APOH: variants seen among roughly 807,000 people sequenced by gnomAD.
APOH encodes the protein beta-2-glycoprotein 1.
In APOH, 48 loss-of-function variants were observed where a neutral mutation model predicts 39.8. That is an observed-to-expected ratio of 1.21 (90% CI 0.96 to 1.54). APOH has a LOEUF of 1.54. Ranked by LOEUF, APOH falls within the 40% of genes most tolerant of loss-of-function variation. The pLI, the probability that APOH is intolerant of heterozygous loss-of-function variation, is 0.00. For missense variants in APOH, 415 were observed against 421.2 expected, an observed-to-expected ratio of 0.99 and a Z score of 0.13; for synonymous variants, 153 against 151.1, an observed-to-expected ratio of 1.01 and a Z score of -0.09.
intron 3 of APOH, among the ~76,000 whole-genome samples, chr17:66,224,656 G>A (rs1277899538): frequency 1.2e-4 from 3 of 25,232 alleles, no homozygotes; most frequent in South Asian, 1.8e-3. Context: ...GGGAAGGGAA[G>A]GGAAGGGAAG....
intron 7 of APOH, 46 bp downstream of exon 7, chr17:66,214,407 G>A: frequency 1.3e-6 from 2 of 1,535,978 alleles, no homozygotes; most frequent in East Asian, 2.3e-5. Context: ...TGATTATGAT[G>A]ACGGGCAAGT....
intron 5 of APOH, among the ~76,000 whole-genome samples, chr17:66,218,787 A>G (rs1598550852): frequency 6.6e-6 from 1 of 152,032 alleles, no homozygotes; most frequent in Non-Finnish European, 1.5e-5. Flanking sequence ...AGGCAGGCGG[A>G]TCATTTTAGT....
chr17:66,226,548 T>C (rs758383447), intron 2 of APOH, among the ~76,000 whole-genome samples: 5 of 149,504 alleles, frequency 3.3e-5, no homozygotes, highest in Non-Finnish European at 7.4e-5. Flanking sequence ...GGCAGGAGAA[T>C]AGCTTGAACC....
In APOH at chr17:66,229,374, A is replaced by G; in HGVS notation, c.6T>C (p.Ile2=). The change falls in exon 1 of 8, where the codon ATT becomes ATC. Residue 2 remains isoleucine (I), a synonymous_variant. Transcript: ENST00000205948. The stretch of plus-strand genomic sequence containing the variant: ...TCGAGAACAAGATGAGCACTGGAGA[A>G]ATCATTGTGGATGAGTCACACTGGC... M[I]SPVLILFSSF... is the part of the protein sequence containing the mutation. 1 of 1,613,648 alleles carries G rather than the reference A, an allele frequency of 6.2e-7. No individual in the cohort carries two copies. Among genetic ancestry groups the G allele is most frequent in the East Asian group, 2.2e-5 (1 of 44,862 alleles).
At chr17:66,229,137 A>T (rs777550994) in intron 1 of APOH, among the ~76,000 whole-genome samples, 179 bp downstream of exon 1, 4 of 152,050 alleles carry the variant, frequency 2.6e-5, no homozygotes, top group Non-Finnish European at 5.9e-5. Context: ...GGGTTTCACC[A>T]TGTTGGCCAG....
rs569010895 is a variant in APOH at position 66,216,835 on chromosome 17, A to G, written c.737T>C (p.Ile246Thr). ...DGYSLDGPEE[I>T]ECTKLGNWSA... is the part of the protein sequence containing the mutation. Reference sequence around the variant, plus strand: ...CCAGTTTCCCAGTTTGGTACATTCTATTTCTTCCGGGCCATCCAGAGAATA... The same window carrying G: ...CCAGTTTCCCAGTTTGGTACATTCTGTTTCTTCCGGGCCATCCAGAGAATA... The change falls in exon 6 of 8, where the codon ATA becomes ACA. Residue 246 changes from isoleucine (I) to threonine (T), a missense_variant. By Grantham distance (89) the Ile-to-Thr change is moderately conservative. Around this residue, in one of 3 missense-constraint regions of APOH, gnomAD observed 7 missense variants for 25.6 expected, o/e 0.27. Coordinates refer to ENST00000205948, the MANE Select transcript of APOH (RefSeq NM_000042.3). 1.4e-5 allele frequency: 22 copies of G among 1,610,462 alleles called. No individual in the cohort carries two copies. Among genetic ancestry groups the G allele is most frequent in the South Asian group, 2.2e-5 (2 of 90,110 alleles).
chr17:66,223,727 T>C lies in APOH; in HGVS notation c.386A>G (p.Lys129Arg), dbSNP rs1360166805. ...ADSAKCTEEG[K>R]WSPELPVCAP... ...ACAGACAGGAAGCTCCGGGCTCCAT[T>C]TTCCTTCCTCAGTGCACTTGGCAGA... The change falls in exon 4 of 8, where the codon AAA becomes AGA. Residue 129 changes from lysine (K) to arginine (R), a missense_variant. Coordinates refer to ENST00000205948, the MANE Select transcript of APOH (RefSeq NM_000042.3). 3 of 1,614,046 alleles carry C rather than the reference T, an allele frequency of 1.9e-6. No individual in the cohort carries two copies. Among genetic ancestry groups the C allele is most frequent in the African/African-American group, 2.7e-5 (2 of 74,914 alleles).
At chr17:66,223,518 C>G (rs889989716) in intron 4 of APOH, among the ~76,000 whole-genome samples, 180 bp downstream of exon 4, 5 of 152,224 alleles carry the variant, frequency 3.3e-5, no homozygotes, top group Admixed American at 6.5e-5. Flanking sequence ...TGCTTCCCTT[C>G]TGTCATTCCA....
chr17:66,217,103 C>T (rs978202081), intron 5 of APOH, 136 bp from the exon 6 acceptor site: 3 of 655,612 alleles, frequency 4.6e-6, no homozygotes, highest in Non-Finnish European at 4.7e-6. Context: ...TTATAGTTAC[C>T]TTGTGCTTAA....
chr17:66,223,887 C>A (rs2073418814), intron 3 of APOH, 113 bp from the exon 4 acceptor site: 3 of 924,062 alleles, frequency 3.2e-6, no homozygotes, highest in Admixed American at 2.2e-5. Flanking sequence ...TCTTTTCCAT[C>A]GTATAATGCT....
Position 66,216,769 on chromosome 17 carries a change from C to A in APOH, c.784+19G>T, listed in dbSNP as rs367935493. The A allele has an allele frequency of 1.3e-6, 2 of 1,554,226 alleles. No homozygotes were observed. Among genetic ancestry groups the A allele is most frequent in the East Asian group, 2.3e-5 (1 of 42,846 alleles). On this transcript the variant is annotated intron_variant, in intron 6 of 7. Transcript: ENST00000205948. ...TATCAATTCAGAGATCTTACAGGAC[C>A]TCGCCTATATTTCCATACCTTTACA... is the stretch of plus-strand genomic sequence containing the variant.
chr17:66,229,156 C>G (rs963000230), intron 1 of APOH, among the ~76,000 whole-genome samples, 160 bp downstream of exon 1: 8 of 152,096 alleles, frequency 5.3e-5, no homozygotes, highest in Non-Finnish European at 1.0e-4. Flanking sequence ...AGACTGGTCT[C>G]GAACTCCTGA....
Position 66,229,308 on chromosome 17 carries a change from G to A in APOH, c.64+8C>T, listed in dbSNP as rs8178901. 2.6e-3 allele frequency: 4,192 copies of A among 1,611,992 alleles called. 89 individuals are homozygous for A. The African/African-American group carries it at 0.046, about 18-fold the overall frequency. On this transcript the variant is annotated splice_region_variant and intron_variant, in intron 1 of 7. Transcript: ENST00000205948. ...TTAATTATTTTTTCAAAAGCAAAAA[G>A]TACTTACTCCGTCCTGCAATAGCAA...
In APOH at chr17:66,220,629, G is replaced by T. The variant is rs2073391681; in HGVS notation, c.529C>A (p.Gln177Lys). The change falls in exon 5 of 8, where the codon CAA becomes AAA. Residue 177 changes from glutamine to lysine, a missense_variant. This residue lies in a region of APOH where 288 missense variants were observed against 284.9 expected (regional missense o/e 1.01). Transcript: ENST00000205948. ...GTATCATTTCCAAACATCGCATGTT[G>T]TGGCAAACATTCAAAAACTGCTGTG... is the stretch of plus-strand genomic sequence containing the variant. ...RDTAVFECLP[Q>K]HAMFGNDTIT... The T allele has an allele frequency of 6.2e-6, 10 of 1,613,986 alleles. No homozygotes were observed. Among genetic ancestry groups the T allele is most frequent in the Non-Finnish European group, 8.5e-6 (10 of 1,180,034 alleles).
At chr17:66,225,397 C>T (rs1280540799) in intron 3 of APOH, among the ~76,000 whole-genome samples, 1 of 152,156 alleles carries the variant, frequency 6.6e-6, no homozygotes. Context: ...TCTCCACTGT[C>T]ACACTCCCAA....
In APOH at chr17:66,214,409, C is replaced by CGGGCAAGT. The variant is rs758038529; in HGVS notation, c.982+36_982+43dup. The CGGGCAAGT allele has an allele frequency of 8.2e-5, 126 of 1,544,126 alleles. No individual in the cohort carries two copies. In the African/African-American group the frequency reaches 1.6e-3, roughly 20 times the overall value. ...AGAACAAAGGCTCTGATTATGATGA[C>CGGGCAAGT]GGGCAAGTGGGAGTCCTAGCTAAAC... On this transcript the variant is annotated intron_variant, in intron 7 of 7. Coordinates refer to ENST00000205948, the MANE Select transcript of APOH (RefSeq NM_000042.3).
chr17:66,218,745 C>T (rs564309177), intron 5 of APOH, among the ~76,000 whole-genome samples: 2 of 152,244 alleles, frequency 1.3e-5, no homozygotes, highest in East Asian at 1.9e-4. Context: ...AGACTAGGCT[C>T]ACGCCTGTAA....
chr17:66,218,757 C>T (rs550148752), intron 5 of APOH, among the ~76,000 whole-genome samples: 1 of 152,258 alleles, frequency 6.6e-6, no homozygotes, highest in African/African-American at 2.4e-5. Flanking sequence ...CGCCTGTAAT[C>T]CCAGCAGTTT....
intron 4 of APOH, among the ~76,000 whole-genome samples, chr17:66,222,312 A>C (rs969316216): frequency 6.6e-6 from 1 of 151,990 alleles, no homozygotes; most frequent in Non-Finnish European, 1.5e-5. Context: ...TGGCCCCAGG[A>C]GATCGAAGTT....
Sources: allele counts gnomAD v4.1 joint callset (sites outside exome capture counted in the v4.1 genomes callset), GRCh38; gene constraint gnomAD v4.1.1; regional missense constraint gnomAD v4.1.1; transcripts MANE v1.5; gene names NCBI Gene and HGNC (gene_info 2026-07-23, HGNC 2026-07-21).